PCDHGB4: variants seen among roughly 807,000 people sequenced by gnomAD.
The protein encoded by PCDHGB4 is protocadherin gamma subfamily B, 4, also known as protocadherin gamma-B4.
A neutral mutation model predicts 60.5 loss-of-function variants in PCDHGB4; 38 were observed. The ratio of observed to expected loss-of-function variants is 0.63; its 90% CI spans 0.48 to 0.82. PCDHGB4 has a LOEUF of 0.82. PCDHGB4 is among the 40% of genes least tolerant of loss of function. The pLI, the probability that PCDHGB4 is intolerant of heterozygous loss-of-function variation, is 0.00. For synonymous variants in PCDHGB4, 456 were observed against 509.7 expected (o/e 0.89, Z 1.42); for missense variants, 1,109 against 1,209.6 (o/e 0.92, Z 1.23).
chr5:141,409,033 A>T, intron 1 of PCDHGB4: 1 of 1,614,028 alleles, frequency 6.2e-7, no homozygotes, highest in Non-Finnish European at 8.5e-7. Context: ...ATGCTGAGAT[A>T]AACTACTACT....
At chr5:141,435,803 T>C (rs551682061) in intron 1 of PCDHGB4, among the ~76,000 whole-genome samples, 1 of 152,178 alleles carries the variant, frequency 6.6e-6, no homozygotes, top group South Asian at 2.1e-4. Context: ...ACGTCCCAAT[T>C]ATTTTTTCTT....
intron 2 of PCDHGB4, 160 bp from the exon 3 acceptor site, chr5:141,505,233 C>T: frequency 1.1e-6 from 1 of 872,838 alleles, no homozygotes; most frequent in Non-Finnish European, 1.4e-6. Context: ...ATTCTGGCTT[C>T]TGAAGGATTG....
chr5:141,470,023 G>A (rs1258101057), intron 1 of PCDHGB4, among the ~76,000 whole-genome samples: 1 of 152,110 alleles, frequency 6.6e-6, no homozygotes, highest in Admixed American at 6.6e-5. Context: ...CAGCTACTCG[G>A]GATGCTGAGG....
At chr5:141,401,159 T>G (rs2094122338) in intron 1 of PCDHGB4, among the ~76,000 whole-genome samples, 1 of 152,076 alleles carries the variant, frequency 6.6e-6, no homozygotes, top group Admixed American at 6.6e-5. Context: ...CTGGGCAATA[T>G]GGTGAAAACC....
At chr5:141,501,329 ACACACC>A (rs1456568693) in intron 2 of PCDHGB4, among the ~76,000 whole-genome samples, 16 of 148,226 alleles carry the variant, frequency 1.1e-4, no homozygotes, top group Non-Finnish European at 2.2e-4. Context: ...ACACACACAC[ACACACC>A]CCAAACTCAA....
Position 141,431,674 on chromosome 5 carries a change from G to T in PCDHGB4, c.2397+41393G>T. 6.2e-7 allele frequency: 1 copy of T among 1,614,234 alleles called. No homozygotes were observed. ...ATTCAGGGACAATATCAACAATAGG[G>T]GAGTTGGACCACGAGGAGTCAGGAT... is the stretch of plus-strand genomic sequence containing the variant. On this transcript the variant is annotated intron_variant, in intron 1 of 3. Transcript: ENST00000519479. This position sits in a 1 kb window ranked among gnomAD's most constrained non-coding sequence, Gnocchi z 4.8.
Position 141,477,691 on chromosome 5 carries a change from A to G in PCDHGB4, c.2398-17116A>G, listed in dbSNP as rs1315811441. 6.2e-7 allele frequency: 1 copy of G among 1,614,188 alleles called. No homozygotes were observed. Among genetic ancestry groups the G allele is most frequent in the South Asian group, 1.1e-5 (1 of 91,090 alleles). On this transcript the variant is annotated intron_variant, in intron 1 of 3. Coordinates refer to ENST00000519479, the MANE Select transcript of PCDHGB4 (RefSeq NM_003736.4). This position sits in a 1 kb window ranked among gnomAD's most constrained non-coding sequence, Gnocchi z 4.9. ...GCATAGTGTCATCCTTAGTGCCCCT[A>G]GACTATGAGGATCGGCGGGAATTTG...
At chr5:141,414,781 G>A (rs755811755) in intron 1 of PCDHGB4, 1 of 1,614,230 alleles carries the variant, frequency 6.2e-7, no homozygotes, top group Admixed American at 1.7e-5. Context: ...ACAGATGCAG[G>A]TGACAGCCAG....
intron 1 of PCDHGB4, among the ~76,000 whole-genome samples, chr5:141,482,755 T>TGAAGTGGGAGAATTGCTTGAGCCTGGG (rs1554165462): frequency 6.3e-5 from 9 of 143,570 alleles, no homozygotes; most frequent in African/African-American, 1.4e-4. Context: ...GGGATTATGG[T>TGAAGTGGGAGAATTGCTTGAGCCTGGG]ATTTCATTAT....
intron 1 of PCDHGB4, chr5:141,402,822 C>G (rs1038768509): frequency 7.7e-7 from 1 of 1,302,260 alleles, no homozygotes; most frequent in African/African-American, 1.5e-5. Flanking sequence ...CAAACCTGCT[C>G]CCAGGCTGCA....
At chr5:141,426,013 T>C (rs2096909409) in intron 1 of PCDHGB4, among the ~76,000 whole-genome samples, 1 of 152,144 alleles carries the variant, frequency 6.6e-6, no homozygotes, top group Admixed American at 6.5e-5. Flanking sequence ...CCGGCTGCAG[T>C]TTTCTAAATA....
At chr5:141,433,208 C>T (rs780155661) in intron 1 of PCDHGB4, 90 of 1,293,816 alleles carry the variant, frequency 7.0e-5, no homozygotes, top group Middle Eastern at 5.9e-4. Flanking sequence ...AATCTTCTTT[C>T]TTTTTTTTTT....
intron 2 of PCDHGB4, among the ~76,000 whole-genome samples, chr5:141,496,767 T>C (rs2099771224): frequency 6.6e-6 from 1 of 152,040 alleles, no homozygotes; most frequent in Non-Finnish European, 1.5e-5. Flanking sequence ...ATCGAGCATC[T>C]ACTATGAGCA....
chr5:141,432,793 C>T lies in PCDHGB4; in HGVS notation c.2397+42512C>T. 6.2e-7 allele frequency: 1 copy of T among 1,614,150 alleles called. No individual in the cohort carries two copies. Among genetic ancestry groups the T allele is most frequent in the Admixed American group, 1.7e-5 (1 of 60,032 alleles). ...AAGTCCTGGCGGACCTCGGCAGCCT[C>T]GAGTCTCCAGCTAACTCTGAAACCT... On this transcript the variant is annotated intron_variant, in intron 1 of 3. Transcript: ENST00000519479. The surrounding 1 kb of genome is among the most constrained non-coding windows in gnomAD (Gnocchi z 6.0).
In PCDHGB4 at chr5:141,389,513, C is replaced by A. The variant is rs749432491; in HGVS notation, c.1629C>A (p.Asn543Lys). 2.5e-6 allele frequency: 4 copies of A among 1,613,038 alleles called. No homozygotes were observed. The Admixed American group carries it at 5.0e-5, about 20-fold the overall frequency. Residue 543 changes from asparagine (N) to lysine (K), a missense_variant, in exon 1 of 4, where the codon AAC becomes AAA. This residue lies in a region of PCDHGB4 where 1,068 missense variants were observed against 1,089.9 expected (regional missense o/e 0.98). Coordinates refer to ENST00000519479, the MANE Select transcript of PCDHGB4 (RefSeq NM_003736.4). ...RDQGSPALSANVSLRVLVDDR... is the reference protein window; with the variant it reads ...RDQGSPALSAKVSLRVLVDDR... ...AGGGCTCGCCAGCGCTCAGCGCGAACGTGAGCCTGCGCGTGTTAGTGGACG... is the reference window on the plus strand; with the variant it reads ...AGGGCTCGCCAGCGCTCAGCGCGAAAGTGAGCCTGCGCGTGTTAGTGGACG...
At chr5:141,449,920 A>G (rs1287640011) in intron 1 of PCDHGB4, among the ~76,000 whole-genome samples, 1 of 151,842 alleles carries the variant, frequency 6.6e-6, no homozygotes, top group East Asian at 1.9e-4. Context: ...TTTAAATTCT[A>G]CCATACCTTA....
intron 1 of PCDHGB4, among the ~76,000 whole-genome samples, chr5:141,461,231 T>C (rs1042368465): frequency 6.6e-5 from 10 of 152,068 alleles, no homozygotes; most frequent in African/African-American, 2.4e-4. Context: ...TCCATAGAGG[T>C]TGTACTAATT....
intron 1 of PCDHGB4, chr5:141,413,792 G>C (rs1390056342): frequency 6.2e-7 from 1 of 1,613,134 alleles, no homozygotes; most frequent in South Asian, 1.1e-5. Context: ...TCCCTAGATC[G>C]CGAGGAAGAG....
In PCDHGB4 at chr5:141,486,435, A is replaced by G. The variant is rs2099629501; in HGVS notation, c.2398-8372A>G. The G allele has an allele frequency of 6.2e-7, 1 of 1,614,118 alleles. No homozygotes were observed. Among genetic ancestry groups the G allele is most frequent in the Non-Finnish European group, 8.5e-7 (1 of 1,179,960 alleles). ...TTGGATCGAGAGGCCAAATCTAGCT[A>G]TGACATCATGGTCACTGCTTCTGAT... is the stretch of plus-strand genomic sequence containing the variant. On this transcript the variant is annotated intron_variant, in intron 1 of 3. Coordinates refer to ENST00000519479, the MANE Select transcript of PCDHGB4 (RefSeq NM_003736.4). This position sits in a 1 kb window ranked among gnomAD's most constrained non-coding sequence, Gnocchi z 5.0.
Sources: gnomAD v4.1 joint callset for allele counts (sites outside exome capture counted in the v4.1 genomes callset) on GRCh38, gnomAD v4.1.1 for gene constraint, gnomAD v4.1.1 regional missense constraint, Gnocchi (gnomAD v3.1) non-coding constraint, MANE v1.5 for transcripts, NCBI Gene and HGNC (gene_info 2026-07-23, HGNC 2026-07-21) for gene names.